The following KANSL1 variants were observed in gnomAD, a reference collection of about 807,000 sequenced individuals.
KANSL1 encodes KAT8 regulatory NSL complex subunit 1, also known as MLL1/MLL complex subunit KANSL1.
A neutral mutation model predicts 103.6 loss-of-function variants in KANSL1; 22 were observed. The observed-to-expected ratio is 0.21, with a 90% CI of 0.15 to 0.30. KANSL1 has a LOEUF of 0.30. KANSL1 is among the 10% of genes least tolerant of loss of function. KANSL1 has a pLI of 1.00. For synonymous variants in KANSL1, 600 were observed against 527.6 expected (o/e 1.14, Z -1.88); for missense variants, 1,337 against 1,399.8 (o/e 0.96, Z 0.72).
chr17:46,094,515 A>G, intron 3 of KANSL1, 45 bp downstream of exon 3: 1 of 1,590,642 alleles, frequency 6.3e-7, no homozygotes. Flanking sequence ...AGCGATATTG[A>G]TAGTTTTCGG....
intron 2 of KANSL1, among the ~76,000 whole-genome samples, chr17:46,096,492 G>C (rs1362489272): frequency 6.8e-6 from 1 of 147,264 alleles, no homozygotes; most frequent in African/African-American, 2.5e-5. Context: ...GGCTAATTTT[G>C]TATTTTTAGT....
intron 2 of KANSL1, among the ~76,000 whole-genome samples, chr17:46,137,711 C>CACA (rs1567717536): frequency 5.9e-5 from 9 of 151,584 alleles, no homozygotes; most frequent in Non-Finnish European, 4.4e-5. Flanking sequence ...AAAAAAAATA[C>CACA]AAAAAATTGG....
At chr17:46,070,845 G>A (rs7213592) in intron 4 of KANSL1, among the ~76,000 whole-genome samples, 4,357 of 152,046 alleles carry the variant, frequency 0.029, 221 homozygotes, top group African/African-American at 0.1. Context: ...TTTAAGTAAC[G>A]GGTTGACTGA....
intron 1 of KANSL1, among the ~76,000 whole-genome samples, chr17:46,173,317 C>T (rs1297274314): frequency 6.6e-6 from 1 of 152,184 alleles, no homozygotes; most frequent in African/African-American, 2.4e-5. Flanking sequence ...CTCTATGTTC[C>T]TCAAGCCCCC....
intron 3 of KANSL1, among the ~76,000 whole-genome samples, chr17:46,085,914 C>T (rs747425488): frequency 1.2e-4 from 19 of 152,138 alleles, no homozygotes; most frequent in Middle Eastern, 3.2e-3. Context: ...ATGTGCAAGC[C>T]GCTGCACCCA....
chr17:46,138,792 T>C (rs2696601), intron 2 of KANSL1, among the ~76,000 whole-genome samples: 21,951 of 152,194 alleles, frequency 0.14, 2,135 homozygotes, highest in Non-Finnish European at 0.22. Context: ...CACCTGACAG[T>C]AAGAACTGGA....
At chr17:46,076,582 C>T (rs550419093) in intron 4 of KANSL1, among the ~76,000 whole-genome samples, 38 of 119,818 alleles carry the variant, frequency 3.2e-4, no homozygotes, top group African/African-American at 9.6e-4. Context: ...CAATTGTTAC[C>T]AAAAACAACA....
intron 1 of KANSL1, among the ~76,000 whole-genome samples, chr17:46,188,339 T>A (rs1449143717): frequency 5.9e-5 from 9 of 152,272 alleles, no homozygotes; most frequent in African/African-American, 9.6e-5. Context: ...GAGGGAAACT[T>A]ATCTTGTCAT....
At chr17:46,215,679 C>A (rs1265502539) in intron 1 of KANSL1, among the ~76,000 whole-genome samples, 2 of 152,202 alleles carry the variant, frequency 1.3e-5, no homozygotes, top group Non-Finnish European at 2.9e-5. Context: ...CTGGGTGACA[C>A]TACCGCTCAC....
intron 3 of KANSL1, among the ~76,000 whole-genome samples, chr17:46,085,421 G>A (rs1282961059): frequency 4.6e-5 from 7 of 152,102 alleles, no homozygotes. Flanking sequence ...CTTACTTTCT[G>A]TGTATTTAAA....
At chr17:46,151,061 CTGAG>C (rs1328345095) in intron 2 of KANSL1, among the ~76,000 whole-genome samples, 7 of 152,150 alleles carry the variant, frequency 4.6e-5, no homozygotes, top group African/African-American at 2.4e-5. Context: ...ATACAACATA[CTGAG>C]TGCTAACCTT....
At chr17:46,196,266 C>A (rs2047604638), upstream of KANSL1, 2 of 446,070 alleles carry the variant, frequency 4.5e-6, no homozygotes, top group Admixed American at 2.5e-5. Context: ...AATAAAAACA[C>A]CAACATATTT....
At chr17:46,187,390 T>C (rs1210754024) in intron 1 of KANSL1, among the ~76,000 whole-genome samples, 1 of 152,258 alleles carries the variant, frequency 6.6e-6, no homozygotes, top group Non-Finnish European at 1.5e-5. Flanking sequence ...GAGCAGAATC[T>C]GCTGTAATTA....
intron 7 of KANSL1, chr17:46,045,098 CCA>C (rs559333957): frequency 1.3e-5 from 2 of 152,076 alleles, no homozygotes; most frequent in African/African-American, 4.8e-5. Context: ...GTAAAATCTA[CCA>C]CACAAATGTT....
chr17:46,062,317 G>T (rs1178608394), intron 6 of KANSL1, among the ~76,000 whole-genome samples: 5 of 137,416 alleles, frequency 3.6e-5, no homozygotes, highest in African/African-American at 1.1e-4. Flanking sequence ...CTTTGTTTTA[G>T]TCATTGATTT....
intron 1 of KANSL1, among the ~76,000 whole-genome samples, chr17:46,212,526 T>C (rs534855954): frequency 1.6e-4 from 24 of 152,242 alleles, no homozygotes; most frequent in Admixed American, 5.2e-4. Flanking sequence ...GCCAGAAAAA[T>C]TCTTTCAAAT....
Position 46,154,371 on chromosome 17 carries a change from C to G in KANSL1, c.1289+16484G>C, listed in dbSNP as rs190125608. On this transcript the variant is annotated intron_variant, in intron 2 of 14. Coordinates refer to ENST00000432791, the MANE Select transcript of KANSL1 (RefSeq NM_015443.4). Reference sequence around the variant, plus strand: ...CAATGCTCACTGCAGCCTCGACCTCCCAGGCTCAAGTGATCCTCCCATCTC... The same window carrying G: ...CAATGCTCACTGCAGCCTCGACCTCGCAGGCTCAAGTGATCCTCCCATCTC... Among the ~76,000 whole-genome samples, 34 of 152,344 alleles carry G rather than the reference C, an allele frequency of 2.2e-4. 1 individual carries two copies. In the East Asian group the frequency reaches 6.2e-3, roughly 28 times the overall value.
intron 3 of KANSL1, chr17:46,093,311 G>T (rs1466007277): frequency 1.3e-5 from 2 of 152,612 alleles, no homozygotes; most frequent in East Asian, 3.9e-4. Context: ...AGCAAAATAT[G>T]CACCAAATCT....
chr17:46,088,641 G>C (rs1326911805), intron 3 of KANSL1: 1 of 152,540 alleles, frequency 6.6e-6, no homozygotes, highest in East Asian at 1.9e-4. Context: ...GGGAGGCCAA[G>C]GCAAGGAGGA....
Sources: gnomAD v4.1 joint callset for allele counts (sites outside exome capture counted in the v4.1 genomes callset) on GRCh38, gnomAD v4.1.1 for gene constraint, MANE v1.5 for transcripts, NCBI Gene and HGNC (gene_info 2026-07-23, HGNC 2026-07-21) for gene names.